CADM1: variants seen among roughly 807,000 people sequenced by gnomAD.
CADM1 encodes TSLC-1.
Under a neutral mutation model 53.1 loss-of-function variants are expected in CADM1, and 15 were observed. The observed-to-expected ratio is 0.28, with a 90% CI of 0.19 to 0.44. The LOEUF (loss-of-function observed/expected upper bound fraction) is 0.44. Ranked by LOEUF, CADM1 falls within the 20% of genes least tolerant of loss-of-function variation. The pLI is 1.00. For synonymous variants in CADM1, 281 were observed against 243.0 expected, an observed-to-expected ratio of 1.16 and a Z score of -1.45; for missense variants, 434 against 611.3, an observed-to-expected ratio of 0.71 and a Z score of 3.06.
chr11:115,484,863 C>T (rs930115006), intron 1 of CADM1, among the ~76,000 whole-genome samples: 5 of 151,010 alleles, frequency 3.3e-5, no homozygotes, highest in African/African-American at 1.2e-4. Flanking sequence ...AGGAGAATGG[C>T]GTGGAACCGG....
intron 1 of CADM1, among the ~76,000 whole-genome samples, chr11:115,470,629 T>C (rs1469548979): frequency 2.0e-5 from 3 of 152,146 alleles, no homozygotes; most frequent in African/African-American, 7.2e-5. Flanking sequence ...AAATGCCATA[T>C]ATATATATCA....
chr11:115,404,497 C>G (rs904738755), intron 1 of CADM1, among the ~76,000 whole-genome samples: 3 of 147,330 alleles, frequency 2.0e-5, no homozygotes, highest in Admixed American at 1.4e-4. Context: ...TTTATGACCT[C>G]AGAAGTAGGA....
At chr11:115,323,916 A>C (rs1835462591) in intron 1 of CADM1, among the ~76,000 whole-genome samples, 1 of 151,592 alleles carries the variant, frequency 6.6e-6, no homozygotes, top group African/African-American at 2.4e-5. Flanking sequence ...GGATCAATCT[A>C]ATTTGGGCCA....
At chr11:115,390,422 GA>G (rs1946806286) in intron 1 of CADM1, among the ~76,000 whole-genome samples, 1 of 151,894 alleles carries the variant, frequency 6.6e-6, no homozygotes, top group South Asian at 2.1e-4. Flanking sequence ...GAGAGAAGGA[GA>G]GAGGAAGTGT....
chr11:115,287,630 A>G (rs935571534), intron 1 of CADM1, among the ~76,000 whole-genome samples: 5 of 152,220 alleles, frequency 3.3e-5, no homozygotes, highest in African/African-American at 1.2e-4. Flanking sequence ...TGAAGATGAG[A>G]GTGGCCTCTG....
chr11:115,271,121 C>T (rs553068266), intron 1 of CADM1, among the ~76,000 whole-genome samples: 18 of 151,986 alleles, frequency 1.2e-4, no homozygotes, highest in Non-Finnish European at 2.2e-4. Context: ...ATTAAACATC[C>T]GAGATAGGTC....
At chr11:115,461,629 GGTGAGCT>G (rs570294401) in intron 1 of CADM1, among the ~76,000 whole-genome samples, 1 of 152,296 alleles carries the variant, frequency 6.6e-6, no homozygotes, top group South Asian at 2.1e-4. Context: ...GGTGAACGGC[GGTGAGCT>G]ATGAAAGGAA....
At chr11:115,221,380 T>C (rs984772741) in intron 5 of CADM1, among the ~76,000 whole-genome samples, 1 of 152,164 alleles carries the variant, frequency 6.6e-6, no homozygotes, top group Non-Finnish European at 1.5e-5. Context: ...ATTTGTTCAT[T>C]AGTCAAAGTT....
intron 1 of CADM1, among the ~76,000 whole-genome samples, chr11:115,417,528 T>C: frequency 6.6e-6 from 1 of 152,084 alleles, no homozygotes; most frequent in Non-Finnish European, 1.5e-5. Context: ...TAACCAATCA[T>C]AAAACAGAAT....
At chr11:115,275,678 G>T (rs1430533965) in intron 1 of CADM1, among the ~76,000 whole-genome samples, 1 of 152,132 alleles carries the variant, frequency 6.6e-6, no homozygotes, top group Non-Finnish European at 1.5e-5. Context: ...GATTTTAGAG[G>T]GGTTGGAGGG....
chr11:115,350,172 C>T (rs1386148894), intron 1 of CADM1, among the ~76,000 whole-genome samples: 1 of 152,022 alleles, frequency 6.6e-6, no homozygotes, highest in African/African-American at 2.4e-5. Context: ...GGTTTCTCCA[C>T]GTTGGTCAGG....
intron 9 of CADM1, among the ~76,000 whole-genome samples, chr11:115,192,917 T>A (rs2134651674): frequency 6.6e-6 from 1 of 152,336 alleles, no homozygotes; most frequent in African/African-American, 2.4e-5. Flanking sequence ...CGGATTACGT[T>A]CTAAAGCAGG....
At chr11:115,291,149 G>C (rs1943890440) in intron 1 of CADM1, among the ~76,000 whole-genome samples, 1 of 152,144 alleles carries the variant, frequency 6.6e-6, no homozygotes, top group Admixed American at 6.5e-5. Context: ...GCAACGAGGA[G>C]TGCCCACTGT....
chr11:115,427,137 C>T (rs914282513), intron 1 of CADM1, among the ~76,000 whole-genome samples: 3 of 152,030 alleles, frequency 2.0e-5, no homozygotes, highest in Admixed American at 6.6e-5. Context: ...CAATGTGCAC[C>T]CTCTATGGCC....
intron 1 of CADM1, among the ~76,000 whole-genome samples, chr11:115,277,495 T>A (rs1943476049): frequency 6.6e-6 from 1 of 152,168 alleles, no homozygotes; most frequent in South Asian, 2.1e-4. Context: ...TAGTTATAAA[T>A]CCCTTCATCG....
intron 1 of CADM1, among the ~76,000 whole-genome samples, chr11:115,341,702 G>A (rs7105711): frequency 0.37 from 55,810 of 152,090 alleles, 10,653 homozygotes; most frequent in Non-Finnish European, 0.43. Context: ...GCATTGGTTC[G>A]TGGTGGATTT....
intron 8 of CADM1, 132 bp from the exon 9 acceptor site, chr11:115,198,570 A>G (rs904627441): frequency 1.3e-4 from 95 of 704,526 alleles, no homozygotes; most frequent in Middle Eastern, 7.1e-4. Flanking sequence ...GTGACAAGCA[A>G]TAATAAATGA....
intron 1 of CADM1, among the ~76,000 whole-genome samples, chr11:115,476,332 A>G (rs1480330986): frequency 1.3e-5 from 2 of 152,248 alleles, no homozygotes; most frequent in East Asian, 3.8e-4. Context: ...TATCTAAACT[A>G]AAAGATGACC....
chr11:115,212,094 G>A (rs190927844), intron 7 of CADM1, among the ~76,000 whole-genome samples: 253 of 151,848 alleles, frequency 1.7e-3, no homozygotes, highest in African/African-American at 6.0e-3. Flanking sequence ...ATCATTTCTA[G>A]CAATAAGAGC....
Sources: gnomAD v4.1 joint callset for allele counts (sites outside exome capture counted in the v4.1 genomes callset) on GRCh38, gnomAD v4.1.1 for gene constraint, MANE v1.5 for transcripts, NCBI Gene and HGNC (gene_info 2026-07-23, HGNC 2026-07-21) for gene names.